Variants in IPCEF1 observed in about 807,000 individuals in gnomAD.
The protein encoded by IPCEF1 is interaction protein for cytohesin exchange factors 1.
A neutral mutation model predicts 50.9 loss-of-function variants in IPCEF1; 31 were observed. The ratio of observed to expected loss-of-function variants is 0.61; its 90% CI spans 0.46 to 0.82. The LOEUF (loss-of-function observed/expected upper bound fraction) is 0.82. Among genes scored for constraint, IPCEF1 ranks in the 40% least tolerant of loss-of-function variants. The pLI is 0.00. For missense variants in IPCEF1, 458 were observed against 514.0 expected (o/e 0.89, Z 1.05); for synonymous variants, 181 against 192.0 (o/e 0.94, Z 0.47).
rs1780801617 is a variant in IPCEF1 at position 154,243,867 on chromosome 6, T to C, written c.246+2724A>G. On this transcript the variant is annotated intron_variant, in intron 5 of 11. Coordinates refer to ENST00000367220, the MANE Select transcript of IPCEF1 (RefSeq NM_001130700.2). ...CCCACTTTCAAAATGTGGAGACAAC[T>C]ACTACCTCTCAGGGTGATTTTGAGG... 2.0e-5 allele frequency among the ~76,000 whole-genome samples: 3 copies of C among 152,330 alleles called. No individual in the cohort carries two copies. The South Asian group carries it at 6.2e-4, about 32-fold the overall frequency.
At chr6:154,329,450 A>G (rs141874083) in intron 1 of IPCEF1, among the ~76,000 whole-genome samples, 3,216 of 152,144 alleles carry the variant, frequency 0.021, 60 homozygotes, top group Non-Finnish European at 0.032. Flanking sequence ...AAAAAAAATT[A>G]GCCAGGTGTG....
chr6:154,202,589 CT>C (rs1489821629), intron 9 of IPCEF1, among the ~76,000 whole-genome samples: 2 of 152,188 alleles, frequency 1.3e-5, no homozygotes, highest in Non-Finnish European at 2.9e-5. Flanking sequence ...CTCCTGCTGA[CT>C]CTACTTTAAA....
intron 5 of IPCEF1, among the ~76,000 whole-genome samples, chr6:154,241,769 T>C (rs1444780371): frequency 6.6e-6 from 1 of 152,138 alleles, no homozygotes; most frequent in Non-Finnish European, 1.5e-5. Context: ...TTCATATTTT[T>C]CGCATGCCAA....
At chr6:154,177,874 G>T (rs1186148674) in intron 10 of IPCEF1, among the ~76,000 whole-genome samples, 1 of 152,078 alleles carries the variant, frequency 6.6e-6, no homozygotes, top group Non-Finnish European at 1.5e-5. Flanking sequence ...CAATAGCAAA[G>T]ACTTGTAACC....
intron 10 of IPCEF1, among the ~76,000 whole-genome samples, chr6:154,195,444 GC>G (rs1583767546): frequency 6.6e-6 from 1 of 151,998 alleles, no homozygotes; most frequent in Non-Finnish European, 1.5e-5. Flanking sequence ...ACCGTGCCTG[GC>G]CCAGCTACAA....
intron 1 of IPCEF1, among the ~76,000 whole-genome samples, chr6:154,328,114 C>G (rs1358963899): frequency 6.6e-6 from 1 of 152,074 alleles, no homozygotes; most frequent in Non-Finnish European, 1.5e-5. Flanking sequence ...CTAATGGATG[C>G]TGGGCTGAAT....
At chr6:154,339,208 T>C (rs1166180642) in intron 1 of IPCEF1, among the ~76,000 whole-genome samples, 1 of 152,196 alleles carries the variant, frequency 6.6e-6, no homozygotes, top group Non-Finnish European at 1.5e-5. Flanking sequence ...TACTTGATCA[T>C]ATTTTCTGAA....
chr6:154,188,849 A>G (rs1341524847), intron 10 of IPCEF1, among the ~76,000 whole-genome samples: 1 of 152,250 alleles, frequency 6.6e-6, no homozygotes, highest in Non-Finnish European at 1.5e-5. Context: ...CATGGAACAC[A>G]TCAAAATAAT....
At chr6:154,341,935 TA>T (rs1437973664) in intron 1 of IPCEF1, among the ~76,000 whole-genome samples, 1 of 152,140 alleles carries the variant, frequency 6.6e-6, no homozygotes, top group Non-Finnish European at 1.5e-5. Context: ...ATTGATAACG[TA>T]AAGGAAAATT....
intron 1 of IPCEF1, among the ~76,000 whole-genome samples, chr6:154,295,560 G>C (rs1013265003): frequency 6.6e-6 from 1 of 152,142 alleles, no homozygotes; most frequent in Non-Finnish European, 1.5e-5. Flanking sequence ...GGGGAACAGA[G>C]AGCACAGGGG....
chr6:154,223,289 G>C, intron 5 of IPCEF1, 46 bp from the exon 6 acceptor site: 6 of 1,366,408 alleles, frequency 4.4e-6, no homozygotes, highest in Non-Finnish European at 6.2e-6. Flanking sequence ...CATCAATCCT[G>C]GGGATTAGTG....
chr6:154,215,295 A>T (rs5881067), intron 7 of IPCEF1, among the ~76,000 whole-genome samples: 715 of 33,420 alleles, frequency 0.021, 8 homozygotes, highest in African/African-American at 0.058. Context: ...TGTACCTGTT[A>T]TTTTTGAATA....
At chr6:154,264,511 T>C (rs1233366395) in intron 3 of IPCEF1, among the ~76,000 whole-genome samples, 1 of 152,146 alleles carries the variant, frequency 6.6e-6, no homozygotes, top group African/African-American at 2.4e-5. Flanking sequence ...TAGCTGGGAC[T>C]ACAGGTGCGC....
chr6:154,294,539 A>G (rs1249903646), intron 1 of IPCEF1, among the ~76,000 whole-genome samples: 1 of 152,160 alleles, frequency 6.6e-6, no homozygotes, highest in African/African-American at 2.4e-5. Context: ...GCCTGTGCAC[A>G]GGGAGGTGTG....
intron 5 of IPCEF1, among the ~76,000 whole-genome samples, chr6:154,230,488 G>A (rs574429396): frequency 1.3e-3 from 196 of 152,112 alleles, no homozygotes; most frequent in South Asian, 3.7e-3. Flanking sequence ...TGCCCTTTTC[G>A]TACCACAAGT....
At chr6:154,293,959 G>C (rs555612585) in intron 1 of IPCEF1, among the ~76,000 whole-genome samples, 3 of 152,246 alleles carry the variant, frequency 2.0e-5, no homozygotes, top group South Asian at 4.1e-4. Flanking sequence ...ATTATCTTCA[G>C]ATAATAAGAG....
intron 2 of IPCEF1, among the ~76,000 whole-genome samples, chr6:154,271,157 A>G (rs1183519508): frequency 6.6e-6 from 1 of 151,838 alleles, no homozygotes; most frequent in Non-Finnish European, 1.5e-5. Flanking sequence ...TCAGGAGTTC[A>G]AGAGCAGTCT....
intron 2 of IPCEF1, among the ~76,000 whole-genome samples, chr6:154,281,184 CAAAAAAAAA>C (rs35597942): frequency 3.4e-5 from 2 of 59,156 alleles, no homozygotes; most frequent in African/African-American, 8.6e-5. Flanking sequence ...TACTAAAATA[CAAAAAAAAA>C]AAAAAAAAAA....
intron 11 of IPCEF1, among the ~76,000 whole-genome samples, chr6:154,163,295 C>T (rs1362035735): frequency 1.3e-5 from 2 of 152,226 alleles, no homozygotes; most frequent in African/African-American, 4.8e-5. Context: ...TAGGCACACT[C>T]CCGCCCCAAG....
Sources: gnomAD v4.1 joint callset for allele counts (sites outside exome capture counted in the v4.1 genomes callset) on GRCh38, gnomAD v4.1.1 for gene constraint, MANE v1.5 for transcripts, NCBI Gene and HGNC (gene_info 2026-07-23, HGNC 2026-07-21) for gene names.